Variants in DARS1 observed in about 807,000 individuals in gnomAD.
DARS1 encodes the protein aspartyl-tRNA synthetase 1.
A neutral mutation model predicts 68.8 loss-of-function variants in DARS1; 51 were observed. The observed-to-expected ratio is 0.74, with a 90% CI of 0.59 to 0.94. DARS1 has a LOEUF of 0.94. Among genes scored for constraint, DARS1 ranks in the 40% least tolerant of loss-of-function variants. The probability of loss-of-function intolerance (pLI) is 0.00; values close to 1 mark genes in which losing one functional copy is unlikely to be tolerated. For missense variants in DARS1, 607 were observed against 597.3 expected, an observed-to-expected ratio of 1.02 and a Z score of -0.17; for synonymous variants, 203 against 190.4, an observed-to-expected ratio of 1.07 and a Z score of -0.55.
At position 135,924,457 on chromosome 2, in the gene DARS1, G is replaced by A. The variant is rs1681170208; in HGVS notation, c.606C>T (p.Ile202=). The change falls in exon 8 of 16, where the codon ATC becomes ATT. Residue 202 remains isoleucine, a synonymous_variant. Coordinates refer to ENST00000264161, the MANE Select transcript of DARS1 (RefSeq NM_001349.4). ...SQAVFRLQSG[I]CHLFRETLIN... Reference sequence around the variant, plus strand: ...TTAAAGTTTCTCGGAAGAGATGGCAGATGCCAGACTGGAGACGGAAGACTG... The same window carrying A: ...TTAAAGTTTCTCGGAAGAGATGGCAAATGCCAGACTGGAGACGGAAGACTG... The A allele has an allele frequency of 1.2e-6, 2 of 1,609,458 alleles. No individual in the cohort carries two copies. The highest frequency in any genetic ancestry group is 1.7e-6 in the Non-Finnish European group (2 of 1,178,838).
rs751253987 is a variant in DARS1 at position 135,933,993 on chromosome 2, G to C, written c.424-3C>G. 4 of 1,610,026 alleles carry C rather than the reference G, an allele frequency of 2.5e-6. No individual in the cohort carries two copies. The highest frequency in any genetic ancestry group is 1.7e-5 in the Admixed American group (1 of 59,854). On this transcript the variant is annotated splice_polypyrimidine_tract_variant and splice_region_variant and intron_variant, in intron 5 of 15. Coordinates refer to ENST00000264161, the MANE Select transcript of DARS1 (RefSeq NM_001349.4). ...TCAGCCAAACTGATCACATAAATCT[G>C]TAAGTGAGAGATTACCAAAAATAGT...
intron 3 of DARS1, among the ~76,000 whole-genome samples, chr2:135,973,820 C>T (rs1682439854): frequency 6.6e-6 from 1 of 152,076 alleles, no homozygotes; most frequent in Admixed American, 6.6e-5. Flanking sequence ...GAGTTGAGAT[C>T]ACACGGCTGC....
intron 9 of DARS1, among the ~76,000 whole-genome samples, chr2:135,922,284 T>C (rs188449209): frequency 1.3e-5 from 2 of 152,174 alleles, no homozygotes; most frequent in Admixed American, 1.3e-4. Context: ...CTTACAGGAG[T>C]AAGAAATTAT....
At chr2:135,976,878 T>C (rs1206139305) in intron 3 of DARS1, among the ~76,000 whole-genome samples, 1 of 152,038 alleles carries the variant, frequency 6.6e-6, no homozygotes, top group East Asian at 1.9e-4. Flanking sequence ...TTCACTTACG[T>C]GATGCTTCAT....
chr2:135,923,944 G>T (rs751839863), intron 8 of DARS1, among the ~76,000 whole-genome samples: 16 of 152,172 alleles, frequency 1.1e-4, no homozygotes, highest in Non-Finnish European at 2.1e-4. Flanking sequence ...TTGAACCTGG[G>T]AGGTGGAGGT....
chr2:135,913,963 G>T (rs1009347564), intron 12 of DARS1, among the ~76,000 whole-genome samples: 2 of 152,088 alleles, frequency 1.3e-5, no homozygotes, highest in Admixed American at 6.5e-5. Flanking sequence ...GGAGCTCAAG[G>T]ACTAATTTTC....
intron 4 of DARS1, among the ~76,000 whole-genome samples, chr2:135,944,457 C>T (rs1480962472): frequency 6.6e-6 from 1 of 151,912 alleles, no homozygotes; most frequent in Non-Finnish European, 1.5e-5. Context: ...CACCAGAATC[C>T]ATTTCAATGA....
At chr2:135,961,325 G>T in intron 4 of DARS1, 71 bp downstream of exon 4, 1 of 801,892 alleles carries the variant, frequency 1.2e-6, no homozygotes, top group South Asian at 1.4e-5. Context: ...GTATGAAAAT[G>T]GTCCAAACCC....
At position 135,932,822 on chromosome 2, in the gene DARS1, G is replaced by C. The variant is rs1216483058; in HGVS notation, c.525C>G (p.Asn175Lys). 1 of 1,317,148 alleles carries C rather than the reference G, an allele frequency of 7.6e-7. No homozygotes were observed. Among genetic ancestry groups the C allele is most frequent in the Non-Finnish European group, 1.1e-6 (1 of 923,404 alleles). 81.6% of individuals were successfully genotyped at this position (1,317,148 alleles called of 1,614,324 possible). ...CTCTGTTGTCTAATCTTGTATCCTGGTTAACAGTAGCTCTTCCTTCCTAAA... is the reference window on the plus strand; with the variant it reads ...CTCTGTTGTCTAATCTTGTATCCTGCTTAACAGTAGCTCTTCCTTCCTAAA... ...EGEEEGRATV[N>K]QDTRLDNRVI... The change falls in exon 7 of 16, where the codon AAC (asparagine) becomes AAG (lysine). Residue 175 changes from asparagine to lysine, a missense_variant. Physicochemically the swap from Asn to Lys is moderately conservative, Grantham distance 94. Coordinates refer to ENST00000264161, the MANE Select transcript of DARS1 (RefSeq NM_001349.4).
chr2:135,941,922 C>T (rs1278840587), intron 5 of DARS1, among the ~76,000 whole-genome samples: 1 of 152,160 alleles, frequency 6.6e-6, no homozygotes, highest in Non-Finnish European at 1.5e-5. Flanking sequence ...TCATCACTGG[C>T]CATCAGAGAA....
chr2:135,982,448 A>C (rs1488255084), intron 2 of DARS1, among the ~76,000 whole-genome samples: 1 of 151,792 alleles, frequency 6.6e-6, no homozygotes, highest in Non-Finnish European at 1.5e-5. Context: ...TACAAAAAAA[A>C]AGTGAGGCGT....
chr2:135,923,932 G>T (rs759053369), intron 8 of DARS1, among the ~76,000 whole-genome samples: 1 of 152,078 alleles, frequency 6.6e-6, no homozygotes, highest in Non-Finnish European at 1.5e-5. Flanking sequence ...CAGGAGAATC[G>T]CTTGAACCTG....
intron 5 of DARS1, among the ~76,000 whole-genome samples, chr2:135,942,425 G>T (rs192676442): frequency 1.4e-5 from 2 of 147,362 alleles, no homozygotes; most frequent in African/African-American, 5.0e-5. Context: ...AACACCGCAT[G>T]TTCTCACTCA....
At chr2:135,951,091 T>C (rs1004168171) in intron 4 of DARS1, among the ~76,000 whole-genome samples, 3 of 152,172 alleles carry the variant, frequency 2.0e-5, no homozygotes, top group Non-Finnish European at 4.4e-5. Context: ...GAAATTATAA[T>C]CAGAGGATTA....
At chr2:135,966,231 A>G (rs1451015328) in intron 3 of DARS1, among the ~76,000 whole-genome samples, 1 of 151,192 alleles carries the variant, frequency 6.6e-6, no homozygotes, top group African/African-American at 2.4e-5. Context: ...CAGGGAAGAG[A>G]CTGTGGTGAG....
At chr2:135,916,784 C>A (rs780783594) in intron 10 of DARS1, among the ~76,000 whole-genome samples, 1 of 152,088 alleles carries the variant, frequency 6.6e-6, no homozygotes, top group Non-Finnish European at 1.5e-5. Flanking sequence ...AGTTTCTTTC[C>A]CATTTTGATA....
chr2:135,945,340 G>T (rs1039296269), intron 4 of DARS1, among the ~76,000 whole-genome samples: 4 of 152,008 alleles, frequency 2.6e-5, no homozygotes, highest in Non-Finnish European at 5.9e-5. Context: ...GTTGGCCAGG[G>T]TGGTCTTGAA....
Position 135,985,172 on chromosome 2 carries a change from G to T in DARS1, c.66+231C>A, listed in dbSNP as rs367821532. 1.0e-4 allele frequency: 62 copies of T among 609,930 alleles called. 1 individual carries two copies. The highest frequency in any genetic ancestry group is 5.5e-4 in the African/African-American group (30 of 54,528). 37.8% of individuals were successfully genotyped at this position (609,930 alleles called of 1,614,324 possible). The stretch of plus-strand genomic sequence containing the variant: ...TTCTTCCCGTCCTCCCCACCCCGGG[G>T]ACACGCTTCTAGTAGGCCAAACTCC... On this transcript the variant is annotated intron_variant, in intron 1 of 15. Transcript: ENST00000264161.
intron 4 of DARS1, among the ~76,000 whole-genome samples, chr2:135,944,942 T>C (rs1681688162): frequency 6.6e-6 from 1 of 152,176 alleles, no homozygotes; most frequent in Admixed American, 6.5e-5. Flanking sequence ...TATCGATCAA[T>C]GTACTGCTTC....
Sources: gnomAD v4.1 joint callset for allele counts (sites outside exome capture counted in the v4.1 genomes callset) on GRCh38, gnomAD v4.1.1 for gene constraint, MANE v1.5 for transcripts, NCBI Gene and HGNC (gene_info 2026-07-23, HGNC 2026-07-21) for gene names.